Variants in BTN3A1 observed in about 807,000 individuals in gnomAD.
BTN3A1 encodes butyrophilin subfamily 3 member A1.
A neutral mutation model predicts 43.0 loss-of-function variants in BTN3A1; 24 were observed. The ratio of observed to expected loss-of-function variants is 0.56; its 90% CI spans 0.40 to 0.78. The LOEUF (loss-of-function observed/expected upper bound fraction) is 0.78, where lower values mean the gene tolerates loss of function less well. BTN3A1 is among the 30% of genes least tolerant of loss of function. The probability of loss-of-function intolerance (pLI) is 0.00; values close to 1 mark genes in which losing one functional copy is unlikely to be tolerated. For missense variants in BTN3A1, 533 were observed against 626.2 expected (o/e 0.85, Z 1.59); for synonymous variants, 181 against 234.7 (o/e 0.77, Z 2.09).
Position 26,413,172 on chromosome 6 carries a change from A to G in BTN3A1, c.1022A>G (p.Asp341Gly). Residue 341 changes from aspartate to glycine, a missense_variant, in exon 10 of 10, where the codon GAT becomes GGT. This residue lies in a region of BTN3A1 where 415 missense variants were observed against 427.0 expected (regional missense o/e 0.97). Coordinates refer to ENST00000289361, the MANE Select transcript of BTN3A1 (RefSeq NM_007048.6). ...EWKKALFKPA[D>G]VILDPKTANP... ...CACTTCCTCAAACTCTCTGCAGCGGATGTGATTCTGGATCCAAAAACAGCA... is the reference window on the plus strand; with the variant it reads ...CACTTCCTCAAACTCTCTGCAGCGGGTGTGATTCTGGATCCAAAAACAGCA... The G allele has an allele frequency of 6.2e-7, 1 of 1,610,792 alleles. No individual in the cohort carries two copies.
At position 26,413,174 on chromosome 6, in the gene BTN3A1, G is replaced by A. The variant is rs986919192; in HGVS notation, c.1024G>A (p.Val342Met). The change falls in exon 10 of 10, where the codon GTG becomes ATG. Residue 342 changes from valine (V) to methionine (M), a missense_variant. Around this residue, in one of 4 missense-constraint regions of BTN3A1, gnomAD observed 415 missense variants for 427.0 expected, o/e 0.97. Transcript: ENST00000289361. ...CTTCCTCAAACTCTCTGCAGCGGAT[G>A]TGATTCTGGATCCAAAAACAGCAAA... ...WKKALFKPAD[V>M]ILDPKTANPI... 3.1e-6 allele frequency: 5 copies of A among 1,611,192 alleles called. No individual in the cohort carries two copies. The South Asian group carries it at 3.3e-5, about 11-fold the overall frequency.
Position 26,409,850 on chromosome 6 carries a change from C to T in BTN3A1, c.917-44C>T, listed in dbSNP as rs1581629655. 6 of 1,614,024 alleles carry T rather than the reference C, an allele frequency of 3.7e-6. No individual in the cohort carries two copies. The East Asian group carries it at 1.3e-4, about 36-fold the overall frequency. ...TTTAAGGTTAATTTTTTAGAAAACC[C>T]CCTCACCTGTAACAGTTCATTATTA... On this transcript the variant is annotated intron_variant, in intron 5 of 9. Transcript: ENST00000289361.
intron 5 of BTN3A1, 45 bp from the exon 6 acceptor site, chr6:26,409,849 C>T (rs1181308499): frequency 6.2e-6 from 10 of 1,614,012 alleles, no homozygotes; most frequent in Non-Finnish European, 8.5e-6. Context: ...TTTAGAAAAC[C>T]CCCTCACCTG....
At chr6:26,411,972 T>C in intron 9 of BTN3A1, 1 of 231,576 alleles carries the variant, frequency 4.3e-6, no homozygotes, top group Non-Finnish European at 8.3e-6. Context: ...CTACTGTCAG[T>C]GCCTTCTCAA....
chr6:26,402,412 G>C lies in BTN3A1; in HGVS notation c.-193G>C, dbSNP rs1761882909. The C allele has an allele frequency of 6.6e-6, 1 of 152,318 alleles. No individual in the cohort carries two copies. Among genetic ancestry groups the C allele is most frequent in the African/African-American group, 2.4e-5 (1 of 41,460 alleles). 9.4% of individuals were successfully genotyped at this position (152,318 alleles called of 1,614,324 possible). A position where few individuals can be genotyped will look rare whatever the true frequency, so the allele number is the denominator to read the frequency against. ...TGATTTTCAGAGGGGAATGCTAAGA[G>C]GTGAGTGGGGGAAGTCGATTAGAGC... is the stretch of plus-strand genomic sequence containing the variant. On this transcript the variant is annotated splice_region_variant and 5_prime_UTR_variant, in exon 1 of 10. Transcript: ENST00000289361.
chr6:26,412,853 G>A, intron 9 of BTN3A1: 1 of 1,526,628 alleles, frequency 6.6e-7, no homozygotes, highest in Non-Finnish European at 8.8e-7. Flanking sequence ...TTAGTGGGCA[G>A]AGTGAATATG....
Position 26,413,237 on chromosome 6 carries a change from C to A in BTN3A1, c.1087C>A (p.Gln363Lys), listed in dbSNP as rs1415392216. The change falls in exon 10 of 10, where the codon CAG (glutamine) becomes AAG (lysine). Residue 363 changes from glutamine to lysine, a missense_variant. Gln to Lys is a moderately conservative substitution (Grantham distance 53). Coordinates refer to ENST00000289361, the MANE Select transcript of BTN3A1 (RefSeq NM_007048.6). ...LLVSEDQRSV[Q>K]RAKEPQDLPD... ...TGTTTCTGAGGACCAGAGGAGTGTG[C>A]AGCGTGCCAAGGAGCCCCAGGATCT... is the stretch of plus-strand genomic sequence containing the variant. The A allele has an allele frequency of 6.2e-7, 1 of 1,614,170 alleles. No homozygotes were observed. The highest frequency in any genetic ancestry group is 8.5e-7 in the Non-Finnish European group (1 of 1,180,028).
Position 26,405,477 on chromosome 6 carries a change from T to C in BTN3A1, c.-87T>C, listed in dbSNP as rs1581622750. On this transcript the variant is annotated 5_prime_UTR_variant, in exon 2 of 10. Coordinates refer to ENST00000289361, the MANE Select transcript of BTN3A1 (RefSeq NM_007048.6). ...CATACTTGAGTTAGCTCTAGGGAAG[T>C]GGAGGTTTCCATTTGGAATTCTATA... is the stretch of plus-strand genomic sequence containing the variant. The C allele has an allele frequency of 7.6e-7, 1 of 1,309,700 alleles. No individual in the cohort carries two copies. The highest frequency in any genetic ancestry group is 2.3e-5 in the East Asian group (1 of 43,338). 81.1% of individuals were successfully genotyped at this position (1,309,700 alleles called of 1,614,324 possible). A position where few individuals can be genotyped will look rare whatever the true frequency, so the allele number is the denominator to read the frequency against.
At chr6:26,412,329 A>G (rs549705049) in intron 9 of BTN3A1, 23 of 664,986 alleles carry the variant, frequency 3.5e-5, no homozygotes, top group South Asian at 3.1e-4. Flanking sequence ...TTGTTAGAGC[A>G]GCAGCAGCTG....
In BTN3A1 at chr6:26,413,359, C is replaced by G. The variant is rs1213974902; in HGVS notation, c.1209C>G (p.Asp403Glu). The change falls in exon 10 of 10, where the codon GAC (aspartate) becomes GAG (glutamate). Residue 403 changes from aspartate to glutamate, a missense_variant. Physicochemically the swap from Asp to Glu is conservative, Grantham distance 45 (BLOSUM62 2). Transcript: ENST00000289361. ...GRHYWEVEVG[D>E]RKEWHIGVCS... ...ATTACTGGGAGGTGGAGGTAGGGGA[C>G]AGGAAAGAGTGGCATATAGGGGTGT... The G allele has an allele frequency of 6.2e-7, 1 of 1,614,036 alleles. No homozygotes were observed. Among genetic ancestry groups the G allele is most frequent in the Non-Finnish European group, 8.5e-7 (1 of 1,180,024 alleles).
rs1248638568 is a variant in BTN3A1 at position 26,413,286 on chromosome 6, A to AT, written c.1138dup (p.Trp380LeufsTer9). ...CTGCCAGACAACCCTGAGAGATTTA[A>AT]TTGGCATTATTGTGTTCTCGGCTGT... On this transcript the variant is annotated frameshift_variant, in exon 10 of 10. Coordinates refer to ENST00000289361, the MANE Select transcript of BTN3A1 (RefSeq NM_007048.6). LOFTEE classifies it low-confidence loss of function (END_TRUNC). 4.3e-6 allele frequency: 7 copies of AT among 1,614,192 alleles called. No homozygotes were observed. Among genetic ancestry groups the AT allele is most frequent in the Non-Finnish European group, 5.9e-6 (7 of 1,180,026 alleles).
chr6:26,410,756 C>CATATATATGTGCATATATATGTAT lies in BTN3A1; in HGVS notation c.965-341_965-318dup, dbSNP rs1169401945. On this transcript the variant is annotated intron_variant, in intron 7 of 9. Transcript: ENST00000289361. ...ATATACACATATATACATATATACA[C>CATATATATGTGCATATATATGTAT]ATATATATGTGCATATATATGTATA... Among the ~76,000 whole-genome samples, 8 of 149,570 alleles carry CATATATATGTGCATATATATGTAT rather than the reference C, an allele frequency of 5.3e-5. 1 individual carries two copies. The highest frequency in any genetic ancestry group is 1.2e-4 in the African/African-American group (5 of 40,762).
rs772009645 is a variant in BTN3A1, at chr6:26,413,835, G to A, written c.*143G>A. 62 of 1,523,754 alleles carry A rather than the reference G, an allele frequency of 4.1e-5. No homozygotes were observed. The highest frequency in any genetic ancestry group is 4.7e-5 in the Non-Finnish European group (53 of 1,119,598). 94.4% of individuals were successfully genotyped at this position (1,523,754 alleles called of 1,614,324 possible). On this transcript the variant is annotated 3_prime_UTR_variant, in exon 10 of 10. Coordinates refer to ENST00000289361, the MANE Select transcript of BTN3A1 (RefSeq NM_007048.6). ...GCTTCTCCCTGCCCAGCTCAGAGCT[G>A]AGGGCCTCCCCCTCCACAGCAACCA...
At chr6:26,412,975 C>T in intron 9 of BTN3A1, 194 bp from the exon 10 acceptor site, 1 of 1,458,026 alleles carries the variant, frequency 6.9e-7, no homozygotes, top group Non-Finnish European at 9.0e-7. Context: ...CCTCCTCTTC[C>T]CCTCTGGACA....
In BTN3A1 at chr6:26,411,566, G is replaced by T. The variant is rs1257253369; in HGVS notation, c.1003G>T (p.Ala335Ser). The change falls in exon 9 of 10, where the codon GCC becomes TCC. Residue 335 changes from alanine (A) to serine (S), a missense_variant. Transcript: ENST00000289361. ...CTCCTTCCTTTCAGAATGGAAAAAG[G>T]CCCTCTTCAAGCCTGGTGAGTAAAT... ...RHSAYNEWKKALFKPADVILD... is the reference protein window; with the variant it reads ...RHSAYNEWKKSLFKPADVILD... The T allele has an allele frequency of 6.2e-7, 1 of 1,613,600 alleles. No homozygotes were observed. The highest frequency in any genetic ancestry group is 1.7e-5 in the Admixed American group (1 of 59,918).
rs1195355388 is a variant in BTN3A1, at chr6:26,413,447, A to G, written c.1297A>G (p.Met433Val). Residue 433 changes from methionine (M) to valine (V), a missense_variant, in exon 10 of 10, where the codon ATG becomes GTG. Coordinates refer to ENST00000289361, the MANE Select transcript of BTN3A1 (RefSeq NM_007048.6). ...GACACCTGAGAATGGATTCTGGACT[A>G]TGGGGCTGACTGATGGGAATAAGTA... ...KMTPENGFWT[M>V]GLTDGNKYRT... 1 of 1,614,150 alleles carries G rather than the reference A, an allele frequency of 6.2e-7. No homozygotes were observed. Among genetic ancestry groups the G allele is most frequent in the Non-Finnish European group, 8.5e-7 (1 of 1,180,028 alleles).
chr6:26,411,596 G>A lies in BTN3A1; in HGVS notation c.1018+15G>A, dbSNP rs756713597. 25 of 1,612,470 alleles carry A rather than the reference G, an allele frequency of 1.6e-5. No individual in the cohort carries two copies. Among genetic ancestry groups the A allele is most frequent in the Non-Finnish European group, 2.1e-5 (25 of 1,179,116 alleles). ...CTTCAAGCCTGGTGAGTAAATCACT[G>A]TGTGTTCCCTGGACCAACAACCTGA... On this transcript the variant is annotated intron_variant, in intron 9 of 9. Coordinates refer to ENST00000289361, the MANE Select transcript of BTN3A1 (RefSeq NM_007048.6).
Position 26,413,616 on chromosome 6 carries a change from C to G in BTN3A1, c.1466C>G (p.Ser489Cys), listed in dbSNP as rs1762298246. 1.2e-6 allele frequency: 2 copies of G among 1,614,022 alleles called. No individual in the cohort carries two copies. The highest frequency in any genetic ancestry group is 2.7e-5 in the African/African-American group (2 of 74,896). ...CATATTCATACTTTCCTGGACGTCTCCTTCTCTGAGGCTCTATATCCTGTT... is the reference window on the plus strand; with the variant it reads ...CATATTCATACTTTCCTGGACGTCTGCTTCTCTGAGGCTCTATATCCTGTT... ...GSHIHTFLDV[S>C]FSEALYPVFR... Residue 489 changes from serine to cysteine, a missense_variant, in exon 10 of 10, where the codon TCC becomes TGC. Ser to Cys is a moderately radical substitution (Grantham distance 112). This residue lies in a region of BTN3A1 where 415 missense variants were observed against 427.0 expected (regional missense o/e 0.97). Transcript: ENST00000289361.
In BTN3A1 at chr6:26,409,852, C is replaced by G. The variant is rs529937271; in HGVS notation, c.917-42C>G. 2.5e-6 allele frequency: 4 copies of G among 1,614,082 alleles called. No individual in the cohort carries two copies. In the East Asian group the frequency reaches 8.9e-5, roughly 36 times the overall value. ...TAAGGTTAATTTTTTAGAAAACCCC[C>G]TCACCTGTAACAGTTCATTATTATT... On this transcript the variant is annotated intron_variant, in intron 5 of 9. Transcript: ENST00000289361.
Sources: allele counts gnomAD v4.1 joint callset (sites outside exome capture counted in the v4.1 genomes callset), GRCh38; gene constraint gnomAD v4.1.1; regional missense constraint gnomAD v4.1.1; transcripts MANE v1.5; gene names NCBI Gene and HGNC (gene_info 2026-07-23, HGNC 2026-07-21).